SCOC: variants seen among roughly 807,000 people sequenced by gnomAD.
The protein encoded by SCOC is short coiled-coil protein, also known as short coiled coil protein.
A neutral mutation model predicts 9.9 loss-of-function variants in SCOC; 7 were observed. That is an observed-to-expected ratio of 0.71 (90% CI 0.40 to 1.33). SCOC has a LOEUF of 1.33. SCOC is among the 40% of genes most tolerant of loss of function. SCOC has a pLI of 0.01. For missense variants in SCOC, 66 were observed against 89.7 expected (o/e 0.74, Z 1.07); for synonymous variants, 19 against 28.2 (o/e 0.67, Z 1.03).
intron 2 of SCOC, chr4:140,366,461 G>A: frequency 2.6e-6 from 4 of 1,536,916 alleles, no homozygotes; most frequent in Non-Finnish European, 3.6e-6. Flanking sequence ...AGAAGCTTTT[G>A]GAGAGCTGCC....
chr4:140,330,202 A>G (rs1263188991), intron 1 of SCOC, among the ~76,000 whole-genome samples: 1 of 152,178 alleles, frequency 6.6e-6, no homozygotes, highest in Admixed American at 6.5e-5. Flanking sequence ...TCAGGAGTGG[A>G]AAAACAAACA....
upstream of SCOC, among the ~76,000 whole-genome samples, chr4:140,338,713 A>G (rs1420426978): frequency 6.6e-6 from 1 of 152,206 alleles, no homozygotes; most frequent in Non-Finnish European, 1.5e-5. Flanking sequence ...CTTCAAAGAG[A>G]ATAAAATACC....
chr4:140,366,157 T>C (rs1413300622), intron 2 of SCOC: 4 of 515,230 alleles, frequency 7.8e-6, no homozygotes, highest in African/African-American at 6.6e-5. Context: ...TTGCTTGCAA[T>C]CTTGGGTGCC....
rs536237350 is a variant in SCOC, at chr4:140,362,164, C to G, written c.71-16957C>G. On this transcript the variant is annotated intron_variant, in intron 2 of 4. Transcript: ENST00000338517. ...AGCCTGGCCATATCTTTGCTTCACA[C>G]TGGGCATGATTTGCTTCACTGCGAT... Among the ~76,000 whole-genome samples the G allele has an allele frequency of 1.6e-4, 24 of 150,878 alleles. No homozygotes were observed. In the East Asian group the frequency reaches 4.7e-3, roughly 30 times the overall value.
intron 1 of SCOC, among the ~76,000 whole-genome samples, chr4:140,319,834 C>T (rs1732446547): frequency 6.6e-6 from 1 of 152,012 alleles, no homozygotes; most frequent in South Asian, 2.1e-4. Context: ...AAATAACTTT[C>T]TTAAAACCAA....
intron 1 of SCOC, among the ~76,000 whole-genome samples, chr4:140,298,091 T>C (rs1330238556): frequency 6.6e-6 from 1 of 152,106 alleles, no homozygotes; most frequent in Non-Finnish European, 1.5e-5. Flanking sequence ...TGCCAGGTAT[T>C]GGGAAGGGGA....
chr4:140,268,779 A>G (rs553519299), intron 1 of SCOC, among the ~76,000 whole-genome samples: 39 of 152,328 alleles, frequency 2.6e-4, no homozygotes, highest in African/African-American at 9.1e-4. Flanking sequence ...CTCCCATCCC[A>G]ACACTGGAGA....
intron 2 of SCOC, among the ~76,000 whole-genome samples, chr4:140,358,702 T>G (rs1010449037): frequency 6.6e-6 from 1 of 152,214 alleles, no homozygotes; most frequent in Non-Finnish European, 1.5e-5. Flanking sequence ...CAAATCCTTT[T>G]CTGTGTTTTG....
intron 1 of SCOC, among the ~76,000 whole-genome samples, chr4:140,295,277 A>G (rs1232116898): frequency 2.0e-5 from 3 of 152,028 alleles, no homozygotes; most frequent in African/African-American, 4.8e-5. Flanking sequence ...TCTTTGGTCT[A>G]TAGGTAAGGG....
Position 140,384,865 on chromosome 4 carries a change from A to G in SCOC, c.*3761A>G, listed in dbSNP as rs746216840. 6.6e-6 allele frequency: 1 copy of G among 151,924 alleles called. No homozygotes were observed. Among genetic ancestry groups the G allele is most frequent in the Non-Finnish European group, 1.5e-5 (1 of 67,986 alleles). 9.4% of individuals were successfully genotyped at this position (151,924 alleles called of 1,614,324 possible). On this transcript the variant is annotated 3_prime_UTR_variant, in exon 4 of 4. Transcript: ENST00000608372. ...GCTTTTAGGAGGTGGGGCTTTTGGG[A>G]GATAATTAGGTAATGAGGGTGAAAC...
At chr4:140,349,585 C>T (rs754418968) in intron 2 of SCOC, among the ~76,000 whole-genome samples, 1 of 152,178 alleles carries the variant, frequency 6.6e-6, no homozygotes, top group Non-Finnish European at 1.5e-5. Flanking sequence ...TCTATTCCCA[C>T]TCCTATATTC....
At chr4:140,307,031 A>T (rs1217355793) in intron 1 of SCOC, among the ~76,000 whole-genome samples, 1 of 152,090 alleles carries the variant, frequency 6.6e-6, no homozygotes, top group Non-Finnish European at 1.5e-5. Context: ...GAGGTGATTA[A>T]TGGGGTCTGT....
At chr4:140,302,956 GT>G (rs1731855505) in intron 1 of SCOC, among the ~76,000 whole-genome samples, 1 of 149,482 alleles carries the variant, frequency 6.7e-6, no homozygotes, top group East Asian at 1.9e-4. Context: ...TCAATTTTAT[GT>G]TTGAAAAATT....
At chr4:140,343,722 G>A in intron 2 of SCOC, 5 of 1,586,582 alleles carry the variant, frequency 3.2e-6, no homozygotes, top group Non-Finnish European at 4.3e-6. Flanking sequence ...AGGAAAAAAT[G>A]GATAACTTCT....
chr4:140,301,587 C>T (rs1452571638), intron 1 of SCOC, among the ~76,000 whole-genome samples: 1 of 152,148 alleles, frequency 6.6e-6, no homozygotes, highest in Non-Finnish European at 1.5e-5. Context: ...CGTTCTGGAC[C>T]TGCTGGAGTG....
rs60151743 is a variant in SCOC, at chr4:140,279,295, T to C, written c.-19+21885T>C. On this transcript the variant is annotated intron_variant, in intron 1 of 4. Coordinates refer to the SCOC transcript ENST00000394205. ...ACATATTCTCCTAAGTCCATGTTTG[T>C]TTCATCAAGAGAACTCATATGGATA... Among the ~76,000 whole-genome samples the C allele has an allele frequency of 5.1e-4, 78 of 152,346 alleles. 1 individual carries two copies. In the East Asian group the frequency reaches 0.014, roughly 28 times the overall value.
At chr4:140,306,007 C>A (rs1175372104) in intron 1 of SCOC, among the ~76,000 whole-genome samples, 1 of 152,170 alleles carries the variant, frequency 6.6e-6, no homozygotes, top group Non-Finnish European at 1.5e-5. Flanking sequence ...AATAATTAAG[C>A]TCACTTATAA....
At chr4:140,321,256 C>T (rs997406795) in intron 1 of SCOC, among the ~76,000 whole-genome samples, 1 of 152,056 alleles carries the variant, frequency 6.6e-6, no homozygotes, top group African/African-American at 2.4e-5. Context: ...TATCTACTGC[C>T]CTGTATAACA....
chr4:140,319,174 C>T (rs965519916), intron 1 of SCOC, among the ~76,000 whole-genome samples: 1 of 152,162 alleles, frequency 6.6e-6, no homozygotes, highest in African/African-American at 2.4e-5. Context: ...TCACTGCAAC[C>T]TCTGCCTCCC....
Sources: gnomAD v4.1 joint callset for allele counts (sites outside exome capture counted in the v4.1 genomes callset) on GRCh38, gnomAD v4.1.1 for gene constraint, MANE v1.5 for transcripts, NCBI Gene and HGNC (gene_info 2026-07-23, HGNC 2026-07-21) for gene names.